The following WDR89 variants were observed in gnomAD, a reference collection of about 807,000 sequenced individuals.
The protein encoded by WDR89 is WD repeat domain 89.
In WDR89, 17 loss-of-function variants were observed where a neutral mutation model predicts 29.1. The observed-to-expected ratio is 0.58, with a 90% CI of 0.40 to 0.88. WDR89 has a LOEUF of 0.88. Ranked by LOEUF, WDR89 falls within the 40% of genes least tolerant of loss-of-function variation. The probability of loss-of-function intolerance (pLI) is 0.00; values close to 1 mark genes in which losing one functional copy is unlikely to be tolerated. For synonymous variants in WDR89, 138 were observed against 157.8 expected, an observed-to-expected ratio of 0.87 and a Z score of 0.94; for missense variants, 396 against 456.3, an observed-to-expected ratio of 0.87 and a Z score of 1.20.
intron 1 of WDR89, among the ~76,000 whole-genome samples, chr14:63,636,520 A>C (rs1883748285): frequency 6.6e-6 from 1 of 152,236 alleles, no homozygotes; most frequent in African/African-American, 2.4e-5. Context: ...AAACTATACC[A>C]TAAGGCCATA....
intron 1 of WDR89, among the ~76,000 whole-genome samples, chr14:63,640,698 G>C (rs8012720): frequency 0.019 from 2,913 of 151,080 alleles, 85 homozygotes; most frequent in African/African-American, 0.066. Context: ...GGCTGGTCTC[G>C]AACTCCTGAC....
chr14:63,605,712 G>A (rs924205569), intron 2 of WDR89, among the ~76,000 whole-genome samples: 8 of 152,050 alleles, frequency 5.3e-5, no homozygotes, highest in South Asian at 2.1e-4. Flanking sequence ...CACACACCTC[G>A]GTCTCCCAAA....
intron 2 of WDR89, among the ~76,000 whole-genome samples, chr14:63,608,041 A>G (rs1305953723): frequency 6.6e-6 from 1 of 151,362 alleles, no homozygotes; most frequent in African/African-American, 2.4e-5. Flanking sequence ...CCCCATCTCT[A>G]CTAAGAATAC....
At chr14:63,626,170 A>G (rs1555375332) in intron 1 of WDR89, among the ~76,000 whole-genome samples, 1 of 152,198 alleles carries the variant, frequency 6.6e-6, no homozygotes, top group Non-Finnish European at 1.5e-5. Context: ...AAAAAGTGAG[A>G]GACCTGATTA....
intron 2 of WDR89, among the ~76,000 whole-genome samples, chr14:63,603,288 C>A (rs995238426): frequency 6.6e-6 from 1 of 152,002 alleles, no homozygotes. Flanking sequence ...ACACACACCC[C>A]ACTGCTTTTT....
chr14:63,639,995 C>T (rs535377655), intron 1 of WDR89, among the ~76,000 whole-genome samples: 1 of 152,270 alleles, frequency 6.6e-6, no homozygotes, highest in Non-Finnish European at 1.5e-5. Context: ...GAGAAAAGAA[C>T]CCAAAAAGTA....
chr14:63,629,410 C>T (rs1228319391), intron 1 of WDR89, among the ~76,000 whole-genome samples: 1 of 152,170 alleles, frequency 6.6e-6, no homozygotes, highest in Non-Finnish European at 1.5e-5. Flanking sequence ...CCAAAATTTA[C>T]TTCATTAGTT....
chr14:63,620,780 C>T (rs1882647259), intron 2 of WDR89, among the ~76,000 whole-genome samples: 1 of 151,690 alleles, frequency 6.6e-6, no homozygotes, highest in South Asian at 2.1e-4. Context: ...TACCTGTAGT[C>T]TCAGCTACTC....
At chr14:63,641,326 GATATAATAGACCAGTTGCTGGTATC>G (rs1884117517) in intron 1 of WDR89, 1 of 152,176 alleles carries the variant, frequency 6.6e-6, no homozygotes, top group African/African-American at 2.4e-5. Context: ...TGGTTTAAAT[GATATAATAGACCAGTTGCTGGTATC>G]ATACCACATC....
intron 1 of WDR89, among the ~76,000 whole-genome samples, chr14:63,635,741 C>A (rs1012705232): frequency 5.9e-5 from 9 of 152,194 alleles, no homozygotes; most frequent in African/African-American, 2.2e-4. Flanking sequence ...AAGGACTCCT[C>A]CAGAAAGCTC....
intron 2 of WDR89, chr14:63,601,467 C>A: frequency 6.8e-6 from 8 of 1,170,904 alleles, no homozygotes; most frequent in Non-Finnish European, 1.0e-5. Context: ...ATAATAAATT[C>A]TTGACACTAG....
In WDR89 at chr14:63,599,856, T is replaced by C; in HGVS notation, c.87A>G (p.Ile29Met). 1 of 1,614,164 alleles carries C rather than the reference T, an allele frequency of 6.2e-7. No homozygotes were observed. Among genetic ancestry groups the C allele is most frequent in the Non-Finnish European group, 8.5e-7 (1 of 1,180,020 alleles). Residue 29 changes from isoleucine to methionine, a missense_variant, in exon 3 of 3, where the codon ATA (isoleucine) becomes ATG (methionine). Physicochemically the swap from Ile to Met is conservative, Grantham distance 10. Transcript: ENST00000620954. Reference protein sequence around the residue: ...GTKEPTYLLGIDTSKTVQAGK... With the variant: ...GTKEPTYLLGMDTSKTVQAGK... The stretch of plus-strand genomic sequence containing the variant: ...CTGCTTGGACAGTCTTTGATGTGTC[T>C]ATACCAAGAAGGTAAGTGGGCTCTT...
intron 2 of WDR89, among the ~76,000 whole-genome samples, chr14:63,606,233 C>G (rs1175855616): frequency 6.6e-6 from 1 of 152,060 alleles, no homozygotes; most frequent in African/African-American, 2.4e-5. Context: ...CAGGCATGAG[C>G]CACTGTCCCC....
intron 2 of WDR89, chr14:63,601,710 G>A (rs1205266207): frequency 6.3e-7 from 1 of 1,586,556 alleles, no homozygotes; most frequent in East Asian, 2.2e-5. Context: ...GAAAGTTGGA[G>A]ATAAAGTTCT....
At chr14:63,609,915 T>C (rs1881846388) in intron 2 of WDR89, among the ~76,000 whole-genome samples, 1 of 152,176 alleles carries the variant, frequency 6.6e-6, no homozygotes, top group South Asian at 2.1e-4. Context: ...AAGATTCTTA[T>C]CTTGGATACC....
chr14:63,608,832 G>A (rs181327782), intron 2 of WDR89, among the ~76,000 whole-genome samples: 52 of 152,186 alleles, frequency 3.4e-4, no homozygotes, highest in African/African-American at 1.2e-3. Context: ...GCGGTGCCTC[G>A]GTGGCTCACG....
chr14:63,601,458 T>C (rs548609265), intron 2 of WDR89: 9 of 1,096,316 alleles, frequency 8.2e-6, no homozygotes, highest in African/African-American at 3.1e-5. Context: ...AGTAACACTA[T>C]AATAAATTCT....
At chr14:63,641,596 A>C (rs993465194) in intron 1 of WDR89, among the ~76,000 whole-genome samples, 1 of 152,252 alleles carries the variant, frequency 6.6e-6, no homozygotes, top group Non-Finnish European at 1.5e-5. Flanking sequence ...TTCTTTGGCC[A>C]GGGCCAGCAC....
chr14:63,638,214 G>C (rs1883868627), intron 1 of WDR89, among the ~76,000 whole-genome samples: 1 of 151,948 alleles, frequency 6.6e-6, no homozygotes, highest in South Asian at 2.1e-4. Context: ...CAAAGTGCTG[G>C]GATTACAGGC....
Sources: gnomAD v4.1 joint callset for allele counts (sites outside exome capture counted in the v4.1 genomes callset) on GRCh38, gnomAD v4.1.1 for gene constraint, MANE v1.5 for transcripts, NCBI Gene and HGNC (gene_info 2026-07-23, HGNC 2026-07-21) for gene names.